Variants in TFEC observed in about 807,000 individuals in gnomAD.
The protein encoded by TFEC is class E basic helix-loop-helix protein 34.
Under a neutral mutation model 41.6 loss-of-function variants are expected in TFEC, and 31 were observed. The ratio of observed to expected loss-of-function variants is 0.74; its 90% CI spans 0.56 to 1.01. The LOEUF (loss-of-function observed/expected upper bound fraction) is 1.01, where lower values mean the gene tolerates loss of function less well. TFEC is among the 50% of genes least tolerant of loss of function. TFEC has a pLI of 0.00. For missense variants in TFEC, 402 were observed against 404.1 expected, an observed-to-expected ratio of 0.99 and a Z score of 0.04; for synonymous variants, 143 against 140.6, an observed-to-expected ratio of 1.02 and a Z score of -0.12.
upstream of TFEC, chr7:116,030,768 TGGGCTGGTTGGAATCCAGTTAGTTGA>T: frequency 4.1e-6 from 4 of 985,386 alleles, no homozygotes; most frequent in Non-Finnish European, 4.8e-6. Flanking sequence ...ATGAATACTT[TGGGCTGGTTGGAATCCAGTTAGTTGA>T]GGAAAGAGAA....
At chr7:116,106,001 A>G (rs1266802175) in intron 3 of TFEC, among the ~76,000 whole-genome samples, 3 of 152,086 alleles carry the variant, frequency 2.0e-5, no homozygotes, top group Non-Finnish European at 1.5e-5. Context: ...TTTTGTAGAA[A>G]AGGTAGAATT....
In TFEC at chr7:115,984,427, A is replaced by C. The variant is rs760999601; in HGVS notation, c.15T>G (p.His5Gln). The C allele has an allele frequency of 2.9e-5, 46 of 1,613,992 alleles. No homozygotes were observed. The South Asian group carries it at 4.4e-4, about 15-fold the overall frequency. ...ATTTAAGAGTTGGATTGATGATCTG[A>C]TGATCAAGGGTCATGAAAGAGTTTA... Reference protein sequence around the residue: MTLDHQIINPTLKWS... With the variant: MTLDQQIINPTLKWS... The change falls in exon 2 of 8, where the codon CAT becomes CAG. Residue 5 changes from histidine to glutamine, a missense_variant. Coordinates refer to ENST00000265440, the MANE Select transcript of TFEC (RefSeq NM_012252.4).
At chr7:116,094,199 C>T (rs1186354736) in intron 3 of TFEC, among the ~76,000 whole-genome samples, 1 of 152,126 alleles carries the variant, frequency 6.6e-6, no homozygotes, top group Non-Finnish European at 1.5e-5. Context: ...AGAGAATTTG[C>T]CTCCAGCACC....
intron 3 of TFEC, among the ~76,000 whole-genome samples, chr7:116,076,300 T>C (rs1796959228): frequency 1.3e-5 from 2 of 152,134 alleles, no homozygotes; most frequent in African/African-American, 2.4e-5. Context: ...GATTTCCCTC[T>C]GACATAGTCT....
At chr7:115,995,114 A>G (rs925787106) in intron 1 of TFEC, among the ~76,000 whole-genome samples, 1 of 150,146 alleles carries the variant, frequency 6.7e-6, no homozygotes, top group Admixed American at 6.7e-5. Context: ...ACCAAACACC[A>G]CATGTTCTCA....
intron 2 of TFEC, 33 bp downstream of exon 2, chr7:115,984,229 T>A (rs1243452043): frequency 6.3e-7 from 1 of 1,597,764 alleles, no homozygotes; most frequent in East Asian, 2.3e-5. Flanking sequence ...CAAAAACTGA[T>A]GATATATTTT....
At chr7:116,052,422 T>C (rs1186560673) in intron 3 of TFEC, among the ~76,000 whole-genome samples, 2 of 151,924 alleles carry the variant, frequency 1.3e-5, no homozygotes. Flanking sequence ...ACATTTAAGT[T>C]GTTTGGTTTG....
Position 116,148,926 on chromosome 7 carries a change from C to G in TFEC, c.-69+10864G>C, listed in dbSNP as rs1798702098. ...AGAAAAAAAAAAAATGGCCCAAAGA[C>G]TAATCTCTGAGAAACTTTAAGCGAT... On this transcript the variant is annotated intron_variant, in intron 1 of 8. Coordinates refer to the TFEC transcript ENST00000484212. 2.7e-5 allele frequency among the ~76,000 whole-genome samples: 4 copies of G among 150,296 alleles called. No homozygotes were observed. In the South Asian group the frequency reaches 8.4e-4, roughly 31 times the overall value.
intron 1 of TFEC, among the ~76,000 whole-genome samples, chr7:116,123,497 A>C (rs1562977949): frequency 6.6e-6 from 1 of 152,078 alleles, no homozygotes; most frequent in Non-Finnish European, 1.5e-5. Flanking sequence ...GGGTTTAAAC[A>C]TCATTTTTGT....
chr7:115,956,784 T>C lies in TFEC; in HGVS notation c.277A>G (p.Ser93Gly). 2 of 1,570,152 alleles carry C rather than the reference T, an allele frequency of 1.3e-6. No homozygotes were observed. Among genetic ancestry groups the C allele is most frequent in the Non-Finnish European group, 1.7e-6 (2 of 1,158,322 alleles). ...PLLMQRTLSG[S>G]ILDVYSGEQG... Reference sequence around the variant, plus strand: ...TCACCGCTATACACATCCAAAATACTTCCAGATAACTTGAGAGGAAAAAGG... The same window carrying C: ...TCACCGCTATACACATCCAAAATACCTCCAGATAACTTGAGAGGAAAAAGG... The change falls in exon 4 of 8, where the codon AGT becomes GGT. Residue 93 changes from serine to glycine, a missense_variant. Transcript: ENST00000265440.
intron 1 of TFEC, among the ~76,000 whole-genome samples, chr7:115,988,211 G>A (rs2130699701): frequency 6.6e-6 from 1 of 152,170 alleles, no homozygotes; most frequent in Admixed American, 6.6e-5. Context: ...AACATGGTTT[G>A]AAGAAGCAGA....
intron 3 of TFEC, among the ~76,000 whole-genome samples, chr7:116,053,398 T>G (rs1350369313): frequency 1.3e-5 from 2 of 152,210 alleles, no homozygotes; most frequent in Non-Finnish European, 2.9e-5. Context: ...TGGACATTTT[T>G]GAGGATAATA....
intron 1 of TFEC, among the ~76,000 whole-genome samples, chr7:116,011,300 C>T (rs1428253078): frequency 6.6e-6 from 1 of 152,062 alleles, no homozygotes; most frequent in Non-Finnish European, 1.5e-5. Context: ...GTAAATAGCA[C>T]GTGGAAAAGA....
intron 1 of TFEC, among the ~76,000 whole-genome samples, chr7:116,139,128 C>T (rs970811931): frequency 3.9e-5 from 6 of 152,134 alleles, no homozygotes; most frequent in Non-Finnish European, 8.8e-5. Flanking sequence ...ATAAGGATTC[C>T]TACAAGGTGT....
intron 1 of TFEC, among the ~76,000 whole-genome samples, chr7:116,125,672 G>A (rs1017212120): frequency 2.0e-5 from 3 of 152,080 alleles, no homozygotes; most frequent in African/African-American, 7.2e-5. Flanking sequence ...AATTGACTGA[G>A]ACTTGGTTGA....
At chr7:115,968,171 A>G in intron 3 of TFEC, 1 of 1,524,306 alleles carries the variant, frequency 6.6e-7, no homozygotes, top group Non-Finnish European at 8.8e-7. Context: ...GAATTCCAAA[A>G]TATACTTGCT....
At chr7:116,095,156 T>C (rs1164984096) in intron 3 of TFEC, among the ~76,000 whole-genome samples, 1 of 152,258 alleles carries the variant, frequency 6.6e-6, no homozygotes, top group Non-Finnish European at 1.5e-5. Context: ...ATCCCTTTCA[T>C]GGTTTGACCT....
At chr7:115,968,950 T>C (rs1324364014) in intron 3 of TFEC, among the ~76,000 whole-genome samples, 4 of 151,904 alleles carry the variant, frequency 2.6e-5, no homozygotes, top group Admixed American at 6.6e-5. Context: ...AGTTTTTCAC[T>C]AAAAGTATTT....
At chr7:116,035,526 C>A (rs934805138), upstream of TFEC, among the ~76,000 whole-genome samples, 5 of 151,870 alleles carry the variant, frequency 3.3e-5, no homozygotes, top group African/African-American at 1.2e-4. Context: ...TAGTTTTATT[C>A]CATTGGGTAC....
Sources: gnomAD v4.1 joint callset for allele counts (sites outside exome capture counted in the v4.1 genomes callset) on GRCh38, gnomAD v4.1.1 for gene constraint, MANE v1.5 for transcripts, NCBI Gene and HGNC (gene_info 2026-07-23, HGNC 2026-07-21) for gene names.